The following MYO3B variants were observed in gnomAD, a reference collection of about 807,000 sequenced individuals.
MYO3B encodes myosin IIIB.
In MYO3B, 156 loss-of-function variants were observed where a neutral mutation model predicts 174.6. The observed-to-expected ratio is 0.89, with a 90% CI of 0.78 to 1.02. MYO3B has a LOEUF of 1.02. MYO3B is among the 50% of genes least tolerant of loss of function. The pLI is 0.00. For synonymous variants in MYO3B, 563 were observed against 569.1 expected, an observed-to-expected ratio of 0.99 and a Z score of 0.15; for missense variants, 1,632 against 1,639.4, an observed-to-expected ratio of 1.00 and a Z score of 0.08.
At position 170,216,559 on chromosome 2, in the gene MYO3B, T is replaced by C. The variant is rs150799755; in HGVS notation, c.527-760T>C. 2.9e-3 allele frequency among the ~76,000 whole-genome samples: 445 copies of C among 152,322 alleles called. 3 individuals carry two copies. Among genetic ancestry groups the C allele is most frequent in the Middle Eastern group, 6.8e-3 (2 of 294 alleles). On this transcript the variant is annotated intron_variant, in intron 5 of 34. Coordinates refer to ENST00000408978, the MANE Select transcript of MYO3B (RefSeq NM_138995.5). ...GAAGAAGACAGTTGGTTAAAGGACATTGGAGTTACATTAGAATTCAGGTCC... is the reference window on the plus strand; with the variant it reads ...GAAGAAGACAGTTGGTTAAAGGACACTGGAGTTACATTAGAATTCAGGTCC...
At chr2:170,214,199 C>T (rs899010532) in intron 3 of MYO3B, among the ~76,000 whole-genome samples, 180 bp from the exon 4 acceptor site, 2 of 152,194 alleles carry the variant, frequency 1.3e-5, no homozygotes, top group Non-Finnish European at 2.9e-5. Flanking sequence ...AATACATACG[C>T]AAAGAATTAG....
At chr2:170,630,806 C>G (rs1575294682) in intron 32 of MYO3B, among the ~76,000 whole-genome samples, 1 of 152,238 alleles carries the variant, frequency 6.6e-6, no homozygotes, top group East Asian at 1.9e-4. Context: ...AGACCTGCAA[C>G]TGAGGGACCT....
In MYO3B at chr2:170,597,967, A is replaced by T. The variant is rs76352499; in HGVS notation, c.3734-53661A>T. Among the ~76,000 whole-genome samples the T allele has an allele frequency of 5.6e-4, 85 of 152,346 alleles. 1 individual carries two copies. In the East Asian group the frequency reaches 0.015, roughly 27 times the overall value. On this transcript the variant is annotated intron_variant, in intron 32 of 34. Coordinates refer to ENST00000408978, the MANE Select transcript of MYO3B (RefSeq NM_138995.5). Reference sequence around the variant, plus strand: ...CTATTTCTCAACATAGCACCTAAACATCATAATTATAGCATTTGGGGACAG... The same window carrying T: ...CTATTTCTCAACATAGCACCTAAACTTCATAATTATAGCATTTGGGGACAG...
chr2:170,345,221 A>T (rs2094007486), intron 8 of MYO3B: 1 of 152,228 alleles, frequency 6.6e-6, no homozygotes, highest in Non-Finnish European at 1.5e-5. Flanking sequence ...GATTTCTGGC[A>T]GGGATAAAAA....
intron 32 of MYO3B, among the ~76,000 whole-genome samples, chr2:170,606,397 A>G (rs947185349): frequency 2.0e-5 from 3 of 152,154 alleles, no homozygotes; most frequent in Non-Finnish European, 4.4e-5. Context: ...TCAGCCTAGA[A>G]CACTTTTCTC....
chr2:170,541,695 T>G (rs905907421), intron 30 of MYO3B, among the ~76,000 whole-genome samples: 16 of 152,220 alleles, frequency 1.1e-4, no homozygotes, highest in Non-Finnish European at 2.1e-4. Context: ...TTTATTCAAA[T>G]GGTCAATATT....
At chr2:170,263,826 C>G (rs2093362760) in intron 7 of MYO3B, among the ~76,000 whole-genome samples, 1 of 152,118 alleles carries the variant, frequency 6.6e-6, no homozygotes, top group African/African-American at 2.4e-5. Flanking sequence ...AGGCCTTCCT[C>G]TTTTACTAAT....
chr2:170,219,793 G>A (rs2092872544), intron 6 of MYO3B, among the ~76,000 whole-genome samples: 1 of 152,156 alleles, frequency 6.6e-6, no homozygotes, highest in African/African-American at 2.4e-5. Context: ...TGTTCTGAAA[G>A]GAAAGCATAA....
chr2:170,509,228 A>T (rs539836712), intron 28 of MYO3B, among the ~76,000 whole-genome samples: 19 of 152,324 alleles, frequency 1.2e-4, no homozygotes, highest in Admixed American at 1.1e-3. Flanking sequence ...ATGGTGGCGC[A>T]TGCCTGTAAT....
chr2:170,361,499 C>A (rs909071702), intron 8 of MYO3B, among the ~76,000 whole-genome samples: 1 of 152,196 alleles, frequency 6.6e-6, no homozygotes, highest in African/African-American at 2.4e-5. Flanking sequence ...TCTTGGCTGC[C>A]ACTGTGTCCA....
intron 23 of MYO3B, among the ~76,000 whole-genome samples, chr2:170,453,631 C>T (rs1683740395): frequency 6.6e-6 from 1 of 152,108 alleles, no homozygotes; most frequent in Admixed American, 6.5e-5. Context: ...GCTGTGGGGA[C>T]CAAGCCCCAT....
intron 32 of MYO3B, among the ~76,000 whole-genome samples, chr2:170,567,029 C>G (rs560837076): frequency 6.6e-6 from 1 of 152,208 alleles, no homozygotes; most frequent in African/African-American, 2.4e-5. Context: ...GACACTTAGC[C>G]AAGTGGCATA....
At chr2:170,619,318 G>T (rs563690909) in intron 32 of MYO3B, among the ~76,000 whole-genome samples, 1 of 152,128 alleles carries the variant, frequency 6.6e-6, no homozygotes, top group South Asian at 2.1e-4. Flanking sequence ...ATCACATCAC[G>T]TGCAGTTGGC....
intron 29 of MYO3B, 124 bp from the exon 30 acceptor site, chr2:170,519,312 CCT>C: frequency 1.6e-6 from 1 of 619,844 alleles, no homozygotes; most frequent in Non-Finnish European, 2.8e-6. Context: ...AGAAAAAAAA[CCT>C]ATAGAAAGTC....
chr2:170,616,791 A>C (rs1051195550), intron 32 of MYO3B, among the ~76,000 whole-genome samples: 2 of 152,234 alleles, frequency 1.3e-5, no homozygotes, highest in African/African-American at 4.8e-5. Context: ...CACCGGGTAA[A>C]GCAGTTAAGT....
intron 7 of MYO3B, among the ~76,000 whole-genome samples, chr2:170,321,199 A>G (rs962924191): frequency 2.0e-5 from 3 of 152,236 alleles, no homozygotes; most frequent in Non-Finnish European, 4.4e-5. Flanking sequence ...GAATACCTAT[A>G]TTAATGATCC....
At chr2:170,312,343 T>C (rs1014463596) in intron 7 of MYO3B, among the ~76,000 whole-genome samples, 7 of 152,246 alleles carry the variant, frequency 4.6e-5, no homozygotes, top group African/African-American at 1.7e-4. Flanking sequence ...GTTTACTTAA[T>C]GGTCCATTTA....
intron 32 of MYO3B, among the ~76,000 whole-genome samples, chr2:170,645,020 A>C: frequency 6.6e-6 from 1 of 152,212 alleles, no homozygotes; most frequent in East Asian, 1.9e-4. Flanking sequence ...TGGTATTCAT[A>C]ACATAATATA....
chr2:170,260,996 C>T (rs1375635044), intron 7 of MYO3B, among the ~76,000 whole-genome samples: 1 of 152,058 alleles, frequency 6.6e-6, no homozygotes, highest in Non-Finnish European at 1.5e-5. Context: ...ATAAAGGATA[C>T]ATTTTTTCTT....
Sources: gnomAD v4.1 joint callset for allele counts (sites outside exome capture counted in the v4.1 genomes callset) on GRCh38, gnomAD v4.1.1 for gene constraint, MANE v1.5 for transcripts, NCBI Gene and HGNC (gene_info 2026-07-23, HGNC 2026-07-21) for gene names.